PRDM16: variants seen among roughly 807,000 people sequenced by gnomAD.
PRDM16 encodes the protein PR/SET domain 16.
A neutral mutation model predicts 110.6 loss-of-function variants in PRDM16; 23 were observed. That is an observed-to-expected ratio of 0.21 (90% CI 0.15 to 0.29). PRDM16 has a LOEUF of 0.29. PRDM16 is among the 10% of genes least tolerant of loss of function. PRDM16 has a pLI of 1.00. For synonymous variants in PRDM16, 799 were observed against 781.8 expected, an observed-to-expected ratio of 1.02 and a Z score of -0.37; for missense variants, 1,615 against 1,794.3, an observed-to-expected ratio of 0.90 and a Z score of 1.81.
chr1:3,085,189 G>T (rs1642122465), intron 1 of PRDM16, among the ~76,000 whole-genome samples: 1 of 152,212 alleles, frequency 6.6e-6, no homozygotes, highest in Non-Finnish European at 1.5e-5. Context: ...ATGTGCAGAG[G>T]CAGTGCAGCC....
intron 1 of PRDM16, among the ~76,000 whole-genome samples, chr1:3,097,401 T>C (rs1448534823): frequency 6.6e-6 from 1 of 152,182 alleles, no homozygotes; most frequent in Non-Finnish European, 1.5e-5. Flanking sequence ...GCAGAGTCAT[T>C]GTGCATAACA....
intron 3 of PRDM16, among the ~76,000 whole-genome samples, chr1:3,376,999 C>T (rs1212222749): frequency 6.6e-6 from 1 of 152,250 alleles, no homozygotes; most frequent in Non-Finnish European, 1.5e-5. Flanking sequence ...GCCTTTCCCC[C>T]ACCTCCTTCC....
intron 3 of PRDM16, among the ~76,000 whole-genome samples, chr1:3,342,107 G>A (rs967501480): frequency 3.9e-5 from 6 of 152,160 alleles, no homozygotes; most frequent in African/African-American, 1.4e-4. Flanking sequence ...CAGGGTGCAC[G>A]ATGGCCTCTG....
chr1:3,215,675 G>A (rs768013902), intron 2 of PRDM16, among the ~76,000 whole-genome samples: 19 of 152,156 alleles, frequency 1.2e-4, no homozygotes, highest in Non-Finnish European at 5.9e-5. Context: ...CCCCTCCCTT[G>A]GCCCTTTCCC....
chr1:3,234,689 C>T (rs1253980174), intron 2 of PRDM16, among the ~76,000 whole-genome samples: 2 of 152,214 alleles, frequency 1.3e-5, no homozygotes, highest in Admixed American at 1.3e-4. Context: ...TTCCCAGGGG[C>T]CTGGCCCAGG....
At chr1:3,417,717 C>T (rs1344729698) in intron 10 of PRDM16, 111 bp from the exon 11 acceptor site, 37 of 917,208 alleles carry the variant, frequency 4.0e-5, no homozygotes, top group Non-Finnish European at 6.1e-5. Flanking sequence ...GCTTCCAGTG[C>T]CCACCTGAGC....
At chr1:3,118,239 A>G (rs922387011) in intron 1 of PRDM16, among the ~76,000 whole-genome samples, 3 of 152,184 alleles carry the variant, frequency 2.0e-5, no homozygotes, top group Admixed American at 2.0e-4. Context: ...ACACGTGCAT[A>G]CACACGCACA....
rs1569712739 is a variant in PRDM16, at chr1:3,157,100, A to T, written c.38-29025A>T. ...CAGCCGTGGCTGCCCAGTCGCCCAG[A>T]TGGTGGTCCCAGGGCAGGGAGTGTT... is the stretch of plus-strand genomic sequence containing the variant. On this transcript the variant is annotated intron_variant, in intron 1 of 16. Transcript: ENST00000270722. This position sits in a 1 kb window ranked among gnomAD's most constrained non-coding sequence, Gnocchi z 4.8. Among the ~76,000 whole-genome samples the T allele has an allele frequency of 6.6e-6, 1 of 152,154 alleles. No individual in the cohort carries two copies. Among genetic ancestry groups the T allele is most frequent in the East Asian group, 1.9e-4 (1 of 5,174 alleles).
chr1:3,332,237 C>G lies in PRDM16; in HGVS notation c.439-52915C>G, dbSNP rs182307525. Among the ~76,000 whole-genome samples, 127 of 152,382 alleles carry G rather than the reference C, an allele frequency of 8.3e-4. 1 individual carries two copies. The highest frequency in any genetic ancestry group is 1.6e-3 in the Non-Finnish European group (108 of 68,040). ...GGGAAGTGGTAATGAGATTCTGCCA[C>G]GCGCTGTGTACTCGCTTCCGAGAAA... On this transcript the variant is annotated intron_variant, in intron 3 of 16. Transcript: ENST00000270722.
At chr1:3,224,362 A>C (rs890783641) in intron 2 of PRDM16, among the ~76,000 whole-genome samples, 6 of 152,224 alleles carry the variant, frequency 3.9e-5, no homozygotes, top group African/African-American at 1.2e-4. Context: ...GTCAGGCGAC[A>C]GTGTTGCCAA....
rs567451629 is a variant in PRDM16, at chr1:3,203,543, G to A, written c.387+17069G>A. ...TGATGGAGGTGTTGGCCTCACTCCC[G>A]CAGAAGCCTCTGGGGTGGGGTCCGT... On this transcript the variant is annotated intron_variant, in intron 2 of 16. Coordinates refer to ENST00000270722, the MANE Select transcript of PRDM16 (RefSeq NM_022114.4). Among the ~76,000 whole-genome samples, 7 of 151,716 alleles carry A rather than the reference G, an allele frequency of 4.6e-5. No individual in the cohort carries two copies. The South Asian group carries it at 1.0e-3, about 23-fold the overall frequency.
chr1:3,165,591 C>T (rs77146665), intron 1 of PRDM16, among the ~76,000 whole-genome samples: 3,279 of 10,752 alleles, frequency 0.3, 120 homozygotes, highest in South Asian at 0.34. Flanking sequence ...TCACCTGGGC[C>T]CAGGGACAGG....
Position 3,157,604 on chromosome 1 carries a change from A to G in PRDM16, c.38-28521A>G, listed in dbSNP as rs554810688. On this transcript the variant is annotated intron_variant, in intron 1 of 16. Transcript: ENST00000270722. This position sits in a 1 kb window ranked among gnomAD's most constrained non-coding sequence, Gnocchi z 4.8. ...AAGTCATGGGTGGGGAATTACAGGG[A>G]AAGTGGACCTGTCGGCTCTGTTCAT... Among the ~76,000 whole-genome samples, 1 of 152,258 alleles carries G rather than the reference A, an allele frequency of 6.6e-6. No individual in the cohort carries two copies. Among genetic ancestry groups the G allele is most frequent in the South Asian group, 2.1e-4 (1 of 4,824 alleles).
chr1:3,181,106 A>G (rs551937849), intron 1 of PRDM16, among the ~76,000 whole-genome samples: 23 of 22,336 alleles, frequency 1.0e-3, no homozygotes, highest in African/African-American at 1.7e-3. Context: ...ACGCAGTCTT[A>G]CACGCGGCCT....
chr1:3,156,133 A>G (rs548613040), intron 1 of PRDM16, among the ~76,000 whole-genome samples: 2 of 152,296 alleles, frequency 1.3e-5, no homozygotes, highest in African/African-American at 4.8e-5. Flanking sequence ...CACCTTGCTA[A>G]TATATCTCGT....
chr1:3,115,576 C>T (rs1412439919), intron 1 of PRDM16, among the ~76,000 whole-genome samples: 2 of 152,240 alleles, frequency 1.3e-5, no homozygotes, highest in African/African-American at 4.8e-5. Flanking sequence ...GTGCACACTG[C>T]CCCGGCGCCG....
intron 8 of PRDM16, among the ~76,000 whole-genome samples, chr1:3,410,769 C>T (rs945332517): frequency 5.9e-5 from 9 of 152,150 alleles, no homozygotes; most frequent in Admixed American, 3.9e-4. Context: ...GAAGGCAGGG[C>T]GGGCCCTGAG....
chr1:3,164,998 A>C (rs1035761902), intron 1 of PRDM16, among the ~76,000 whole-genome samples: 1 of 152,218 alleles, frequency 6.6e-6, no homozygotes, highest in Non-Finnish European at 1.5e-5. Flanking sequence ...CCGTGTTCCA[A>C]TGGTAGGCTG....
chr1:3,132,294 C>A (rs965091895), intron 1 of PRDM16, among the ~76,000 whole-genome samples: 3 of 152,130 alleles, frequency 2.0e-5, no homozygotes, highest in African/African-American at 7.2e-5. Flanking sequence ...GGATGTGGTC[C>A]CTGCCCAACT....
Sources: allele counts gnomAD v4.1 joint callset (sites outside exome capture counted in the v4.1 genomes callset), GRCh38; gene constraint gnomAD v4.1.1; non-coding constraint Gnocchi (gnomAD v3.1); transcripts MANE v1.5; gene names NCBI Gene and HGNC (gene_info 2026-07-23, HGNC 2026-07-21).